Variants in PALM2AKAP2 observed in about 807,000 individuals in gnomAD.
PALM2AKAP2 encodes PALM2 and AKAP2 fusion.
In PALM2AKAP2, 37 loss-of-function variants were observed where a neutral mutation model predicts 71.5. The ratio of observed to expected loss-of-function variants is 0.52; its 90% CI spans 0.40 to 0.68. PALM2AKAP2 has a LOEUF of 0.68. Among genes scored for constraint, PALM2AKAP2 ranks in the 30% least tolerant of loss-of-function variants. The pLI is 0.00. For missense variants in PALM2AKAP2, 1,224 were observed against 1,191.8 expected, an observed-to-expected ratio of 1.03 and a Z score of -0.40; for synonymous variants, 468 against 478.8, an observed-to-expected ratio of 0.98 and a Z score of 0.29.
chr9:110,168,349 C>T, intron 3 of PALM2AKAP2, 50 bp from the exon 11 acceptor site: 1 of 1,587,474 alleles, frequency 6.3e-7, no homozygotes, highest in South Asian at 1.2e-5. Context: ...GGTTTATGTT[C>T]ATAATTAACA....
chr9:110,018,306 A>T (rs1833017510), intron 7 of PALM2AKAP2, among the ~76,000 whole-genome samples: 1 of 152,096 alleles, frequency 6.6e-6, no homozygotes, highest in South Asian at 2.1e-4. Context: ...ATACACTTTA[A>T]ATAGTTGAGC....
intron 1 of PALM2AKAP2, among the ~76,000 whole-genome samples, chr9:109,653,174 C>T (rs1330103242): frequency 6.6e-6 from 1 of 152,090 alleles, no homozygotes; most frequent in East Asian, 1.9e-4. Flanking sequence ...GAATGCCTGC[C>T]CCCTTGAGGA....
At chr9:110,089,744 C>G (rs917844753) in intron 1 of PALM2AKAP2, among the ~76,000 whole-genome samples, 4 of 152,202 alleles carry the variant, frequency 2.6e-5, no homozygotes, top group African/African-American at 9.6e-5. Context: ...TTTTCTTCCT[C>G]TCTGTAAAGG....
At chr9:109,986,427 C>G (rs1408997680) in intron 6 of PALM2AKAP2, among the ~76,000 whole-genome samples, 1 of 152,192 alleles carries the variant, frequency 6.6e-6, no homozygotes, top group Non-Finnish European at 1.5e-5. Flanking sequence ...TAAGCACCTC[C>G]TATGAAAAGA....
chr9:109,780,267 G>A (rs1401185631), upstream of PALM2AKAP2: 4 of 1,186,194 alleles, frequency 3.4e-6, no homozygotes, highest in Non-Finnish European at 4.2e-6. Flanking sequence ...GCGGCGCTGG[G>A]GCGCAGCCAG....
At chr9:109,753,024 A>G (rs1053566915) in intron 1 of PALM2AKAP2, among the ~76,000 whole-genome samples, 3 of 152,168 alleles carry the variant, frequency 2.0e-5, no homozygotes, top group Non-Finnish European at 2.9e-5. Flanking sequence ...AGTTCACTCC[A>G]TTTCAATCCT....
chr9:109,769,131 T>A (rs1422209155), intron 1 of PALM2AKAP2, among the ~76,000 whole-genome samples: 2 of 151,060 alleles, frequency 1.3e-5, no homozygotes, highest in Non-Finnish European at 2.9e-5. Flanking sequence ...GACATTAGTT[T>A]GTTTCTGCCT....
intron 2 of PALM2AKAP2, 45 bp downstream of exon 8, chr9:110,138,584 G>C: frequency 6.6e-7 from 1 of 1,510,356 alleles, no homozygotes; most frequent in Non-Finnish European, 8.8e-7. Flanking sequence ...ACAGCAGTCT[G>C]TTGTTGTTGA....
intron 6 of PALM2AKAP2, among the ~76,000 whole-genome samples, chr9:109,998,512 G>C (rs1158460702): frequency 1.3e-5 from 2 of 151,676 alleles, no homozygotes; most frequent in Non-Finnish European, 2.9e-5. Flanking sequence ...GCCGTGGAGG[G>C]CGCCTCACCA....
intron 3 of PALM2AKAP2, among the ~76,000 whole-genome samples, chr9:109,893,307 G>A (rs1028439869): frequency 6.6e-6 from 1 of 152,236 alleles, no homozygotes; most frequent in African/African-American, 2.4e-5. Context: ...AGCTGAAGTA[G>A]AGGATGAAAA....
chr9:109,839,485 A>T (rs1828589955), intron 1 of PALM2AKAP2, among the ~76,000 whole-genome samples: 2 of 152,232 alleles, frequency 1.3e-5, no homozygotes, highest in South Asian at 4.1e-4. Flanking sequence ...CAAGACAGGG[A>T]TGCCCTCTCT....
At chr9:109,726,045 T>A (rs1175655936) in intron 1 of PALM2AKAP2, among the ~76,000 whole-genome samples, 1 of 152,220 alleles carries the variant, frequency 6.6e-6, no homozygotes, top group African/African-American at 2.4e-5. Context: ...CCAGGAGGAC[T>A]AGTACCTTTA....
At chr9:109,969,784 A>C (rs1588038000) in intron 6 of PALM2AKAP2, among the ~76,000 whole-genome samples, 1 of 150,882 alleles carries the variant, frequency 6.6e-6, no homozygotes, top group African/African-American at 2.4e-5. Context: ...CCACATCCTC[A>C]CCCCACCCCA....
rs567742125 is a variant in PALM2AKAP2, at chr9:109,678,668, A to G, written c.5+37802A>G. ...TGCTAGTGCCCAGCAGAGACAAGGT[A>G]CAGACAGAGGAAATTAAAATTCTGG... On this transcript the variant is annotated intron_variant, in intron 1 of 6. Transcript: ENST00000374531. 1.0e-3 allele frequency among the ~76,000 whole-genome samples: 159 copies of G among 152,320 alleles called. 2 individuals carry two copies. The highest frequency in any genetic ancestry group is 3.8e-3 in the African/African-American group (156 of 41,574).
intron 1 of PALM2AKAP2, among the ~76,000 whole-genome samples, chr9:110,090,960 AT>A (rs34697595): frequency 0.24 from 35,310 of 148,026 alleles, 4,992 homozygotes; most frequent in East Asian, 0.41. Context: ...ATCTAGCTCA[AT>A]TTTTTTTTTT....
chr9:109,950,066 T>C (rs1319461919), intron 6 of PALM2AKAP2, among the ~76,000 whole-genome samples: 1 of 152,120 alleles, frequency 6.6e-6, no homozygotes, highest in Non-Finnish European at 1.5e-5. Flanking sequence ...AGGAGGATAG[T>C]GTGAGCCCAG....
intron 6 of PALM2AKAP2, among the ~76,000 whole-genome samples, chr9:109,998,395 T>C (rs998488096): frequency 1.3e-5 from 2 of 151,948 alleles, no homozygotes; most frequent in African/African-American, 2.4e-5. Context: ...CTGATGAAGG[T>C]AGAAGCAGGG....
chr9:109,832,364 C>T (rs1828326601), intron 1 of PALM2AKAP2, among the ~76,000 whole-genome samples: 1 of 152,096 alleles, frequency 6.6e-6, no homozygotes, highest in East Asian at 1.9e-4. Context: ...ATAACTGTAC[C>T]CACCTCACAA....
At chr9:109,882,705 C>T (rs1183418073) in intron 3 of PALM2AKAP2, among the ~76,000 whole-genome samples, 5 of 151,780 alleles carry the variant, frequency 3.3e-5, no homozygotes, top group Admixed American at 1.3e-4. Context: ...TGCAGTGGTG[C>T]GATCATAGCT....
Sources: allele counts gnomAD v4.1 joint callset (sites outside exome capture counted in the v4.1 genomes callset), GRCh38; gene constraint gnomAD v4.1.1; transcripts MANE v1.5; gene names NCBI Gene and HGNC (gene_info 2026-07-23, HGNC 2026-07-21).